Variants in FAM168A observed in about 807,000 individuals in gnomAD.
The protein encoded by FAM168A is protein FAM168A.
FAM168A carries 3 observed loss-of-function variants against 28.5 expected under a neutral mutation model. The observed-to-expected ratio is 0.11, with a 90% CI of 0.05 to 0.27. FAM168A has a LOEUF of 0.27. FAM168A is among the 10% of genes least tolerant of loss of function. The pLI is 1.00. For missense variants in FAM168A, 222 were observed against 311.5 expected (o/e 0.71, Z 2.16); for synonymous variants, 122 against 124.2 (o/e 0.98, Z 0.12).
chr11:73,503,983 CA>C (rs1855061214), intron 1 of FAM168A, among the ~76,000 whole-genome samples: 1 of 152,140 alleles, frequency 6.6e-6, no homozygotes, highest in Non-Finnish European at 1.5e-5. Context: ...CTCTTCCTTA[CA>C]TCTCATACAA....
chr11:73,490,994 T>C (rs1156923331), intron 1 of FAM168A, among the ~76,000 whole-genome samples: 3 of 152,192 alleles, frequency 2.0e-5, no homozygotes, highest in Non-Finnish European at 2.9e-5. Context: ...CCCTGTTCTA[T>C]GACTCAGATG....
intron 1 of FAM168A, among the ~76,000 whole-genome samples, chr11:73,468,696 A>G (rs1395164281): frequency 6.6e-6 from 1 of 152,234 alleles, no homozygotes; most frequent in Non-Finnish European, 1.5e-5. Context: ...AGTAAGGAGC[A>G]AGGAAGTAAT....
intron 1 of FAM168A, among the ~76,000 whole-genome samples, chr11:73,580,967 T>C (rs905527271): frequency 6.6e-6 from 1 of 152,242 alleles, no homozygotes; most frequent in Admixed American, 6.5e-5. Flanking sequence ...ATCTGGACTT[T>C]CCAGTGATGC....
rs1281528863 is a variant in FAM168A at position 73,593,008 on chromosome 11, T to TA, written c.-19+4914dup. 3.3e-5 allele frequency among the ~76,000 whole-genome samples: 5 copies of TA among 152,286 alleles called. No individual in the cohort carries two copies. In the East Asian group the frequency reaches 9.6e-4, roughly 29 times the overall value. ...GAAGAAATAAAGCTTTTTTAAAAGT[T>TA]AAAAAATAAGAATAAGAATAAAGCA... On this transcript the variant is annotated intron_variant, in intron 1 of 7. Coordinates refer to ENST00000356467, the MANE Select transcript of FAM168A (RefSeq NM_015159.3).
At chr11:73,553,598 T>C (rs764160092) in intron 1 of FAM168A, among the ~76,000 whole-genome samples, 2 of 152,166 alleles carry the variant, frequency 1.3e-5, no homozygotes, top group African/African-American at 2.4e-5. Flanking sequence ...ACAGTCTTTC[T>C]AGCGGGTAGT....
chr11:73,593,467 A>C (rs1462313663), intron 1 of FAM168A, among the ~76,000 whole-genome samples: 1 of 152,192 alleles, frequency 6.6e-6, no homozygotes, highest in Non-Finnish European at 1.5e-5. Flanking sequence ...CTCAGAGCAT[A>C]ATTTTTCTTC....
At chr11:73,452,315 A>G (rs1203265490) in intron 2 of FAM168A, 2 of 152,220 alleles carry the variant, frequency 1.3e-5, no homozygotes, top group African/African-American at 4.8e-5. Context: ...CCTCTGGCAA[A>G]CCTCAAGTTA....
chr11:73,586,857 G>C (rs1944318578), intron 1 of FAM168A, among the ~76,000 whole-genome samples: 1 of 152,076 alleles, frequency 6.6e-6, no homozygotes, highest in South Asian at 2.1e-4. Context: ...TAACCACAAA[G>C]TGGAGAAAAG....
At chr11:73,583,505 A>G (rs1190935419) in intron 1 of FAM168A, among the ~76,000 whole-genome samples, 1 of 152,232 alleles carries the variant, frequency 6.6e-6, no homozygotes, top group Non-Finnish European at 1.5e-5. Context: ...GTCCACTGCA[A>G]GTGGAAGAGA....
chr11:73,469,596 G>A (rs1459806105), intron 1 of FAM168A, among the ~76,000 whole-genome samples: 1 of 152,086 alleles, frequency 6.6e-6, no homozygotes, highest in East Asian at 1.9e-4. Context: ...TAAGCAAAAC[G>A]GAAAATGCCA....
intron 1 of FAM168A, among the ~76,000 whole-genome samples, chr11:73,592,901 T>C (rs573616294): frequency 1.3e-5 from 2 of 150,156 alleles, no homozygotes; most frequent in African/African-American, 2.4e-5. Flanking sequence ...TACTGGGTAA[T>C]AGGACTAAAA....
intron 1 of FAM168A, among the ~76,000 whole-genome samples, chr11:73,522,473 A>G (rs1943394702): frequency 6.6e-6 from 1 of 151,936 alleles, no homozygotes; most frequent in Admixed American, 6.6e-5. Flanking sequence ...AGTAGCTGGG[A>G]CTACAGGTGC....
At chr11:73,440,305 C>G (rs980750291) in intron 2 of FAM168A, among the ~76,000 whole-genome samples, 3 of 152,128 alleles carry the variant, frequency 2.0e-5, no homozygotes, top group Non-Finnish European at 4.4e-5. Flanking sequence ...TTAGACACCC[C>G]CACCCCACAC....
intron 1 of FAM168A, among the ~76,000 whole-genome samples, chr11:73,573,909 C>T (rs1236577941): frequency 1.3e-5 from 2 of 152,060 alleles, no homozygotes; most frequent in African/African-American, 2.4e-5. Context: ...AAGCTATGAG[C>T]GGGACTCTGC....
At chr11:73,561,745 A>T (rs1040286110) in intron 1 of FAM168A, among the ~76,000 whole-genome samples, 2 of 152,136 alleles carry the variant, frequency 1.3e-5, no homozygotes, top group African/African-American at 2.4e-5. Context: ...GATCTTTATG[A>T]GGCCTCCCTT....
At chr11:73,582,945 T>A (rs1944265603) in intron 1 of FAM168A, among the ~76,000 whole-genome samples, 1 of 152,064 alleles carries the variant, frequency 6.6e-6, no homozygotes, top group Non-Finnish European at 1.5e-5. Context: ...TGGGCTAAAG[T>A]AGAGTAGAGA....
chr11:73,573,020 A>G (rs1027818475), intron 1 of FAM168A, among the ~76,000 whole-genome samples: 2 of 152,180 alleles, frequency 1.3e-5, no homozygotes, highest in African/African-American at 4.8e-5. Flanking sequence ...CCTCCATAAA[A>G]TTAAGCATTC....
chr11:73,504,923 A>G (rs1382146850), intron 1 of FAM168A, among the ~76,000 whole-genome samples: 1 of 152,136 alleles, frequency 6.6e-6, no homozygotes, highest in Non-Finnish European at 1.5e-5. Flanking sequence ...CAAACACTGC[A>G]TGTTCTCACT....
intron 1 of FAM168A, among the ~76,000 whole-genome samples, chr11:73,557,989 G>A (rs1943909993): frequency 6.6e-6 from 1 of 152,026 alleles, no homozygotes; most frequent in African/African-American, 2.4e-5. Context: ...GAATGAAGCT[G>A]GACCCCTACC....
Sources: gnomAD v4.1 joint callset for allele counts (sites outside exome capture counted in the v4.1 genomes callset) on GRCh38, gnomAD v4.1.1 for gene constraint, MANE v1.5 for transcripts, NCBI Gene and HGNC (gene_info 2026-07-23, HGNC 2026-07-21) for gene names.